PPP4R2: variants seen among roughly 807,000 people sequenced by gnomAD.
PPP4R2 encodes the protein protein phosphatase 4 regulatory subunit 2.
PPP4R2 carries 13 observed loss-of-function variants against 47.2 expected under a neutral mutation model. The ratio of observed to expected loss-of-function variants is 0.28; its 90% CI spans 0.18 to 0.44. The LOEUF (loss-of-function observed/expected upper bound fraction) is 0.44. Ranked by LOEUF, PPP4R2 falls within the 20% of genes least tolerant of loss-of-function variation. PPP4R2 has a pLI of 1.00. For synonymous variants in PPP4R2, 151 were observed against 163.3 expected, an observed-to-expected ratio of 0.92 and a Z score of 0.57; for missense variants, 421 against 491.2, an observed-to-expected ratio of 0.86 and a Z score of 1.35.
chr3:73,049,689 A>G (rs1420371990), intron 3 of PPP4R2, among the ~76,000 whole-genome samples: 1 of 151,548 alleles, frequency 6.6e-6, no homozygotes, highest in African/African-American at 2.4e-5. Flanking sequence ...AATTAGTAAT[A>G]GCAAATACCA....
chr3:73,028,561 C>G (rs1487415162), intron 2 of PPP4R2, among the ~76,000 whole-genome samples: 1 of 152,078 alleles, frequency 6.6e-6, no homozygotes, highest in East Asian at 1.9e-4. Context: ...CTGCCTCAGC[C>G]TCCCGAGTAG....
At chr3:73,002,487 G>A (rs1701489266) in intron 2 of PPP4R2, among the ~76,000 whole-genome samples, 1 of 151,922 alleles carries the variant, frequency 6.6e-6, no homozygotes, top group Admixed American at 6.6e-5. Context: ...CCAACTCCTG[G>A]CCTTAAGCAA....
At chr3:73,037,305 C>G (rs1702282935) in intron 2 of PPP4R2, among the ~76,000 whole-genome samples, 1 of 152,152 alleles carries the variant, frequency 6.6e-6, no homozygotes, top group Admixed American at 6.5e-5. Context: ...TTCTCTTTCC[C>G]TCTTTCTTTA....
chr3:73,048,329 C>T (rs376777116), intron 3 of PPP4R2, among the ~76,000 whole-genome samples: 5 of 152,074 alleles, frequency 3.3e-5, no homozygotes, highest in Non-Finnish European at 5.9e-5. Flanking sequence ...CTCGGCTCAC[C>T]GCAACCTCCG....
intron 3 of PPP4R2, among the ~76,000 whole-genome samples, chr3:73,048,044 T>G (rs1702522496): frequency 6.6e-6 from 1 of 151,978 alleles, no homozygotes. Context: ...ACCCGGCTAA[T>G]TTTTGTATTT....
At chr3:73,042,904 C>G (rs938844676) in intron 2 of PPP4R2, among the ~76,000 whole-genome samples, 1 of 152,162 alleles carries the variant, frequency 6.6e-6, no homozygotes, top group African/African-American at 2.4e-5. Context: ...ATTTCTGTCT[C>G]ATGAGTTAGT....
rs1030452536 is a variant in PPP4R2 at position 73,066,314 on chromosome 3, A to G, written c.*592A>G. 1.3e-5 allele frequency: 2 copies of G among 150,404 alleles called. No individual in the cohort carries two copies. The highest frequency in any genetic ancestry group is 4.9e-5 in the African/African-American group (2 of 41,094). 9.3% of individuals were successfully genotyped at this position (150,404 alleles called of 1,614,324 possible). ...TTCTGTTTCTATAAGAGATGAATAC[A>G]GTGGATACTTTTTCTATTGGTAATG... On this transcript the variant is annotated 3_prime_UTR_variant, in exon 9 of 9. Coordinates refer to ENST00000356692, the MANE Select transcript of PPP4R2 (RefSeq NM_174907.4).
chr3:73,043,384 A>G (rs1369361570), intron 2 of PPP4R2, among the ~76,000 whole-genome samples: 1 of 152,170 alleles, frequency 6.6e-6, no homozygotes, highest in Non-Finnish European at 1.5e-5. Context: ...AAAACTAATC[A>G]TGCAAATAGC....
At chr3:73,064,402 T>C (rs937113245) in intron 7 of PPP4R2, among the ~76,000 whole-genome samples, 10 of 152,338 alleles carry the variant, frequency 6.6e-5, no homozygotes, top group African/African-American at 2.4e-4. Context: ...CCATTTCATT[T>C]GTTGTTTCTG....
intron 2 of PPP4R2, among the ~76,000 whole-genome samples, chr3:73,004,235 C>G (rs1701547205): frequency 6.7e-6 from 1 of 148,788 alleles, no homozygotes; most frequent in Non-Finnish European, 1.5e-5. Flanking sequence ...AGCATGGGGT[C>G]TCGCTATATT....
chr3:73,053,080 A>G (rs1322289691), intron 3 of PPP4R2, among the ~76,000 whole-genome samples: 1 of 152,198 alleles, frequency 6.6e-6, no homozygotes, highest in Non-Finnish European at 1.5e-5. Context: ...TTGTTCTCTG[A>G]CACTGTTGAT....
At chr3:73,063,601 C>G in intron 5 of PPP4R2, 72 bp from the exon 6 acceptor site, 1 of 853,680 alleles carries the variant, frequency 1.2e-6, no homozygotes, top group Non-Finnish European at 2.0e-6. Context: ...TCCATTCCAC[C>G]TTGGGTGACA....
At chr3:73,030,992 G>A (rs944715634) in intron 2 of PPP4R2, among the ~76,000 whole-genome samples, 2 of 151,944 alleles carry the variant, frequency 1.3e-5, no homozygotes, top group African/African-American at 2.4e-5. Context: ...GTGAGCCACC[G>A]CACTGGGCCA....
Position 73,053,908 on chromosome 3 carries a change from C to CAAAAAAAAA in PPP4R2, c.288-5121_288-5113dup, listed in dbSNP as rs10631666. Among the ~76,000 whole-genome samples, 3 of 103,664 alleles carry CAAAAAAAAA rather than the reference C, an allele frequency of 2.9e-5. 1 individual carries two copies. The highest frequency in any genetic ancestry group is 3.9e-5 in the Non-Finnish European group (2 of 50,976). The allele number at this position is 103,664 out of a possible 152,430, so 68.0% of individuals were successfully genotyped here. ...TGGGTGACAGAGCGAGACACCATCT[C>CAAAAAAAAA]AAAAAAAAAAAAAAAAGCGAAATCT... On this transcript the variant is annotated intron_variant, in intron 3 of 8. Transcript: ENST00000356692.
At chr3:73,041,672 T>C (rs893035464) in intron 2 of PPP4R2, among the ~76,000 whole-genome samples, 1 of 152,250 alleles carries the variant, frequency 6.6e-6, no homozygotes, top group South Asian at 2.1e-4. Context: ...TCCTGAGCTT[T>C]GTTGTGCTCT....
intron 5 of PPP4R2, chr3:73,061,503 G>C (rs1702857513): frequency 6.4e-6 from 1 of 155,246 alleles, no homozygotes; most frequent in Admixed American, 6.5e-5. Flanking sequence ...CTCAACCTTG[G>C]AACTATGGAC....
At chr3:73,031,338 G>A (rs1404740179) in intron 2 of PPP4R2, among the ~76,000 whole-genome samples, 3 of 151,948 alleles carry the variant, frequency 2.0e-5, no homozygotes, top group Non-Finnish European at 2.9e-5. Flanking sequence ...CCAGGAGTTC[G>A]AGACCAGCCT....
At chr3:73,028,332 C>T (rs969837952) in intron 2 of PPP4R2, among the ~76,000 whole-genome samples, 18 of 151,836 alleles carry the variant, frequency 1.2e-4, no homozygotes, top group Non-Finnish European at 2.4e-4. Flanking sequence ...GCCACCATGC[C>T]TGGCCCAGGT....
rs558529571 is a variant in PPP4R2 at position 73,065,091 on chromosome 3, G to A, written c.878G>A (p.Arg293Gln). ...QDKDKDSRCTRQHCTEEDEEE... is the reference protein window; with the variant it reads ...QDKDKDSRCTQQHCTEEDEEE... ...AAAGACAAAGATAGCCGTTGTACCCGGCAGCACTGTACAGAAGAGGATGAA... is the reference window on the plus strand; with the variant it reads ...AAAGACAAAGATAGCCGTTGTACCCAGCAGCACTGTACAGAAGAGGATGAA... Residue 293 changes from arginine (R) to glutamine (Q), a missense_variant, in exon 8 of 9, where the codon CGG becomes CAG. Arg to Gln is a conservative substitution (Grantham distance 43). Transcript: ENST00000356692. The A allele has an allele frequency of 2.6e-5, 42 of 1,613,936 alleles. No homozygotes were observed. Among genetic ancestry groups the A allele is most frequent in the South Asian group, 2.5e-4 (23 of 91,062 alleles).
Sources: allele counts gnomAD v4.1 joint callset (sites outside exome capture counted in the v4.1 genomes callset), GRCh38; gene constraint gnomAD v4.1.1; transcripts MANE v1.5; gene names NCBI Gene and HGNC (gene_info 2026-07-23, HGNC 2026-07-21).